Variants in PRKAR1B observed in about 807,000 individuals in gnomAD.
The protein encoded by PRKAR1B is protein kinase cAMP-dependent type I regulatory subunit beta.
A neutral mutation model predicts 46.5 loss-of-function variants in PRKAR1B; 22 were observed. The observed-to-expected ratio is 0.47, with a 90% CI of 0.34 to 0.68. The LOEUF is 0.68. PRKAR1B is among the 30% of genes least tolerant of loss of function. The pLI is 0.01. For missense variants in PRKAR1B, 445 were observed against 535.6 expected (o/e 0.83, Z 1.67); for synonymous variants, 259 against 217.7 (o/e 1.19, Z -1.67).
chr7:668,677 G>A (rs1406086310), intron 4 of PRKAR1B, among the ~76,000 whole-genome samples: 1 of 152,170 alleles, frequency 6.6e-6, no homozygotes, highest in Non-Finnish European at 1.5e-5. Context: ...GATTCTCAGG[G>A]CCAAGGGCAC....
chr7:555,642 C>T (rs1480536174), intron 9 of PRKAR1B, among the ~76,000 whole-genome samples: 1 of 152,202 alleles, frequency 6.6e-6, no homozygotes, highest in Non-Finnish European at 1.5e-5. Flanking sequence ...CAGACCTTCA[C>T]ATGCCCCCTT....
At chr7:715,015 G>A (rs1031631958) in intron 1 of PRKAR1B, among the ~76,000 whole-genome samples, 5 of 152,030 alleles carry the variant, frequency 3.3e-5, no homozygotes, top group African/African-American at 1.2e-4. Context: ...GCGAAACCCT[G>A]TCTCGACTAG....
At chr7:668,372 G>T (rs1786049768) in intron 4 of PRKAR1B, among the ~76,000 whole-genome samples, 1 of 152,222 alleles carries the variant, frequency 6.6e-6, no homozygotes, top group Non-Finnish European at 1.5e-5. Context: ...GAAAGGTCCA[G>T]AGACAATCCC....
At chr7:601,563 C>A (rs151004877) in intron 6 of PRKAR1B, among the ~76,000 whole-genome samples, 1 of 152,254 alleles carries the variant, frequency 6.6e-6, no homozygotes, top group Admixed American at 6.5e-5. Flanking sequence ...ACCCTGCATG[C>A]GAAGGGCCTC....
At chr7:659,942 C>T (rs909426345) in intron 4 of PRKAR1B, among the ~76,000 whole-genome samples, 4 of 152,060 alleles carry the variant, frequency 2.6e-5, no homozygotes, top group African/African-American at 9.7e-5. Flanking sequence ...GGAGCTGCCC[C>T]CAGTCCTGTA....
chr7:589,013 G>C (rs1252024945), intron 7 of PRKAR1B, among the ~76,000 whole-genome samples: 1 of 150,890 alleles, frequency 6.6e-6, no homozygotes, highest in African/African-American at 2.4e-5. Context: ...GACGATAGTG[G>C]TAGTGATGAT....
chr7:623,264 G>C (rs913226584), intron 4 of PRKAR1B, among the ~76,000 whole-genome samples: 4 of 152,218 alleles, frequency 2.6e-5, no homozygotes, highest in African/African-American at 9.7e-5. Context: ...GGTGCCAACA[G>C]CACGGTGTTC....
intron 9 of PRKAR1B, among the ~76,000 whole-genome samples, chr7:562,673 T>C (rs543282396): frequency 6.6e-6 from 1 of 152,342 alleles, no homozygotes; most frequent in African/African-American, 2.4e-5. Context: ...GAAAGAGCTC[T>C]TAAAGGGTCT....
chr7:575,664 G>T (rs1033306489), intron 9 of PRKAR1B, among the ~76,000 whole-genome samples: 1 of 152,070 alleles, frequency 6.6e-6, no homozygotes, highest in Admixed American at 6.6e-5. Context: ...TCCCGCCTCC[G>T]CCTCCCAAGT....
chr7:685,591 C>G (rs1488946108), intron 2 of PRKAR1B, among the ~76,000 whole-genome samples: 1 of 151,242 alleles, frequency 6.6e-6, no homozygotes, highest in African/African-American at 2.4e-5. Flanking sequence ...ACTGTACTTC[C>G]AGGGATAAGA....
At chr7:726,125 A>G (rs1781259129) in intron 1 of PRKAR1B, among the ~76,000 whole-genome samples, 1 of 151,712 alleles carries the variant, frequency 6.6e-6, no homozygotes, top group African/African-American at 2.4e-5. Flanking sequence ...TAAACTCTCT[A>G]TTGCAATTCC....
intron 4 of PRKAR1B, among the ~76,000 whole-genome samples, chr7:656,886 T>G (rs146252728): frequency 4.9e-4 from 74 of 151,842 alleles, no homozygotes; most frequent in African/African-American, 1.7e-3. Flanking sequence ...GATGAATGGA[T>G]GCATGAGTGA....
At position 650,507 on chromosome 7, in the gene PRKAR1B, C is replaced by G. The variant is rs541622970; in HGVS notation, c.440+26722G>C. On this transcript the variant is annotated intron_variant, in intron 4 of 10. Coordinates refer to ENST00000537384, the MANE Select transcript of PRKAR1B (RefSeq NM_001164760.2). ...TGCAAACACCCCCTCCTCTGGGAGT[C>G]ATTCCTGGCTCTGGTGCCCTCACCC... Among the ~76,000 whole-genome samples the G allele has an allele frequency of 3.9e-5, 6 of 152,326 alleles. No homozygotes were observed. In the South Asian group the frequency reaches 1.2e-3, roughly 32 times the overall value.
chr7:682,446 ACT>A (rs1295871234), intron 2 of PRKAR1B, among the ~76,000 whole-genome samples: 1 of 151,834 alleles, frequency 6.6e-6, no homozygotes, highest in East Asian at 1.9e-4. Context: ...TGAGACCATA[ACT>A]CAAAAAAAAT....
At chr7:720,466 G>A (rs937431761) in intron 1 of PRKAR1B, among the ~76,000 whole-genome samples, 4 of 152,226 alleles carry the variant, frequency 2.6e-5, no homozygotes, top group African/African-American at 9.6e-5. Context: ...TTCTGCGATT[G>A]TTGAGTGGTG....
In PRKAR1B at chr7:649,508, C is replaced by T. The variant is rs548052137; in HGVS notation, c.440+27721G>A. Among the ~76,000 whole-genome samples the T allele has an allele frequency of 4.6e-5, 7 of 152,176 alleles. No homozygotes were observed. In the East Asian group the frequency reaches 7.7e-4, roughly 17 times the overall value. ...TCAATTGAAGAAGTAAAGCTATTTTCGAAATACATCATTTAGTGTGTTTTA... is the reference window on the plus strand; with the variant it reads ...TCAATTGAAGAAGTAAAGCTATTTTTGAAATACATCATTTAGTGTGTTTTA... On this transcript the variant is annotated intron_variant, in intron 4 of 10. Coordinates refer to ENST00000537384, the MANE Select transcript of PRKAR1B (RefSeq NM_001164760.2).
intron 4 of PRKAR1B, among the ~76,000 whole-genome samples, chr7:617,828 G>A (rs991047946): frequency 2.0e-5 from 3 of 152,154 alleles, no homozygotes; most frequent in Admixed American, 6.5e-5. Context: ...CCTGGGCCCC[G>A]CGTAGCACTC....
intron 4 of PRKAR1B, among the ~76,000 whole-genome samples, chr7:609,024 G>A (rs113431876): frequency 2.1e-5 from 3 of 139,950 alleles, no homozygotes; most frequent in African/African-American, 5.3e-5. Context: ...GGGCCGGGGG[G>A]CCTCCACTGT....
intron 2 of PRKAR1B, among the ~76,000 whole-genome samples, chr7:694,587 A>G (rs1167336198): frequency 6.7e-5 from 10 of 150,314 alleles, no homozygotes; most frequent in Non-Finnish European, 1.5e-4. Flanking sequence ...CCACCTCCAT[A>G]GGAAGTTTTG....
Sources: allele counts gnomAD v4.1 joint callset (sites outside exome capture counted in the v4.1 genomes callset), GRCh38; gene constraint gnomAD v4.1.1; transcripts MANE v1.5; gene names NCBI Gene and HGNC (gene_info 2026-07-23, HGNC 2026-07-21).